FSTL4: variants seen among roughly 807,000 people sequenced by gnomAD.
FSTL4 encodes the protein follistatin-related protein 4.
FSTL4 carries 28 observed loss-of-function variants against 78.2 expected under a neutral mutation model. That is an observed-to-expected ratio of 0.36 (90% CI 0.27 to 0.49). The LOEUF (loss-of-function observed/expected upper bound fraction) is 0.49. FSTL4 is among the 20% of genes least tolerant of loss of function. The probability of loss-of-function intolerance (pLI) is 0.98; values close to 1 mark genes in which losing one functional copy is unlikely to be tolerated. For synonymous variants in FSTL4, 422 were observed against 440.5 expected, an observed-to-expected ratio of 0.96 and a Z score of 0.53; for missense variants, 922 against 1,084.9, an observed-to-expected ratio of 0.85 and a Z score of 2.11.
the FSTL4 span, among the ~76,000 whole-genome samples, chr5:133,822,315 C>A: frequency 6.6e-6 from 1 of 152,146 alleles, no homozygotes; most frequent in Non-Finnish European, 1.5e-5. Flanking sequence ...TTTGAGACCT[C>A]AATTTATATG....
chr5:133,519,689 G>C (rs1417053216), intron 3 of FSTL4, among the ~76,000 whole-genome samples: 1 of 152,122 alleles, frequency 6.6e-6, no homozygotes, highest in African/African-American at 2.4e-5. Context: ...TCCCCAGCAA[G>C]ATGCCTTTTA....
chr5:133,793,358 G>T, the FSTL4 span, among the ~76,000 whole-genome samples: 3 of 152,258 alleles, frequency 2.0e-5, no homozygotes, highest in African/African-American at 7.2e-5. Context: ...GCTTAGAGCT[G>T]GTGCAAAGCA....
At chr5:133,655,619 A>T in the FSTL4 span, among the ~76,000 whole-genome samples, 5 of 152,342 alleles carry the variant, frequency 3.3e-5, no homozygotes, top group Non-Finnish European at 7.3e-5. Flanking sequence ...ACTTGTGTTC[A>T]TGGACCCAGA....
At chr5:133,788,195 A>AT in the FSTL4 span, among the ~76,000 whole-genome samples, 2 of 152,270 alleles carry the variant, frequency 1.3e-5, no homozygotes, top group Non-Finnish European at 2.9e-5. Context: ...AGATGGGGAG[A>AT]TCAGAAGCAC....
intron 14 of FSTL4, among the ~76,000 whole-genome samples, chr5:133,204,753 T>C (rs1159000687): frequency 7.1e-6 from 1 of 141,776 alleles, no homozygotes; most frequent in Non-Finnish European, 1.5e-5. Flanking sequence ...AATTGTTTGT[T>C]TGAACCCGGG....
chr5:133,562,158 G>T (rs1320320325), intron 3 of FSTL4, among the ~76,000 whole-genome samples: 1 of 152,106 alleles, frequency 6.6e-6, no homozygotes, highest in Non-Finnish European at 1.5e-5. Flanking sequence ...AATCTGGATG[G>T]CTCCCTTTTA....
chr5:133,423,009 A>G (rs1401873234), intron 3 of FSTL4, among the ~76,000 whole-genome samples: 1 of 152,252 alleles, frequency 6.6e-6, no homozygotes, highest in Admixed American at 6.5e-5. Flanking sequence ...AGGCTAAATG[A>G]ACAAGAAACA....
At chr5:133,758,326 A>C in the FSTL4 span, among the ~76,000 whole-genome samples, 2 of 152,262 alleles carry the variant, frequency 1.3e-5, no homozygotes, top group African/African-American at 2.4e-5. Context: ...AAAATCAATT[A>C]GAAAATACAA....
At chr5:133,329,025 T>A (rs1561674220) in intron 4 of FSTL4, among the ~76,000 whole-genome samples, 1 of 152,096 alleles carries the variant, frequency 6.6e-6, no homozygotes, top group South Asian at 2.1e-4. Flanking sequence ...GGTGGGCACA[T>A]CCATAGAGAC....
At chr5:133,717,243 C>A in the FSTL4 span, among the ~76,000 whole-genome samples, 1 of 152,314 alleles carries the variant, frequency 6.6e-6, no homozygotes, top group East Asian at 1.9e-4. Context: ...TGATGGAATA[C>A]TATGCAGCAA....
the FSTL4 span, among the ~76,000 whole-genome samples, chr5:133,688,295 C>T: frequency 6.6e-6 from 1 of 152,148 alleles, no homozygotes; most frequent in African/African-American, 2.4e-5. Context: ...TGCCTGTAGT[C>T]CCAGCTACTC....
chr5:133,823,927 T>G, the FSTL4 span, among the ~76,000 whole-genome samples: 1 of 152,220 alleles, frequency 6.6e-6, no homozygotes, highest in African/African-American at 2.4e-5. Flanking sequence ...AAGGTTTAAT[T>G]TTTTAAAGAA....
the FSTL4 span, among the ~76,000 whole-genome samples, chr5:133,760,137 T>C: frequency 6.6e-6 from 1 of 152,126 alleles, no homozygotes; most frequent in African/African-American, 2.4e-5. Context: ...ATCAGCCCTG[T>C]CGTGACTGTA....
the FSTL4 span, among the ~76,000 whole-genome samples, chr5:133,790,926 C>T: frequency 6.6e-6 from 1 of 152,212 alleles, no homozygotes; most frequent in African/African-American, 2.4e-5. Flanking sequence ...CAAGTTTTCA[C>T]ATACACACAC....
chr5:133,454,708 C>G (rs994521564), intron 3 of FSTL4, among the ~76,000 whole-genome samples: 2 of 152,222 alleles, frequency 1.3e-5, no homozygotes, highest in Non-Finnish European at 2.9e-5. Context: ...AAGCCACCAC[C>G]CACATTCTGT....
chr5:133,780,612 T>C, the FSTL4 span, among the ~76,000 whole-genome samples: 2 of 152,230 alleles, frequency 1.3e-5, no homozygotes, highest in Non-Finnish European at 2.9e-5. Flanking sequence ...TAATACTGCC[T>C]GGAGCATAGC....
the FSTL4 span, among the ~76,000 whole-genome samples, chr5:133,816,742 T>C: frequency 6.6e-6 from 1 of 152,046 alleles, no homozygotes; most frequent in African/African-American, 2.4e-5. Context: ...TTAGGTGAAA[T>C]GAATAAGTAG....
intron 2 of FSTL4, among the ~76,000 whole-genome samples, chr5:133,582,007 C>T (rs1047209618): frequency 6.6e-6 from 1 of 152,190 alleles, no homozygotes; most frequent in Non-Finnish European, 1.5e-5. Flanking sequence ...GGTGTCCCTT[C>T]GTAACAGAGG....
chr5:133,211,984 T>G (rs544118788), intron 13 of FSTL4, among the ~76,000 whole-genome samples: 1 of 152,346 alleles, frequency 6.6e-6, no homozygotes, highest in East Asian at 1.9e-4. Flanking sequence ...CTTGCTTTAA[T>G]TAAAAACTCT....
Sources: gnomAD v4.1 joint callset for allele counts (sites outside exome capture counted in the v4.1 genomes callset) on GRCh38, gnomAD v4.1.1 for gene constraint, MANE v1.5 for transcripts, NCBI Gene and HGNC (gene_info 2026-07-23, HGNC 2026-07-21) for gene names.